The following GSK3B variants were observed in gnomAD, a reference collection of about 807,000 sequenced individuals.
GSK3B encodes the protein glycogen synthase kinase 3 beta, also known as glycogen synthase kinase-3 beta.
In GSK3B, 15 loss-of-function variants were observed where a neutral mutation model predicts 56.4. That is an observed-to-expected ratio of 0.27 (90% CI 0.18 to 0.41). The LOEUF is 0.41. GSK3B is among the 10% of genes least tolerant of loss of function. The probability of loss-of-function intolerance (pLI) is 1.00; values close to 1 mark genes in which losing one functional copy is unlikely to be tolerated. For synonymous variants in GSK3B, 181 were observed against 188.9 expected (o/e 0.96, Z 0.34); for missense variants, 300 against 513.4 (o/e 0.58, Z 4.02).
intron 2 of GSK3B, among the ~76,000 whole-genome samples, chr3:119,953,600 T>C (rs1287322991): frequency 6.6e-6 from 1 of 152,216 alleles, no homozygotes; most frequent in East Asian, 1.9e-4. Context: ...CTTTATAATC[T>C]GGCCTCTCCT....
In GSK3B at chr3:120,093,478, TCTTC is replaced by T; in HGVS notation, c.-48_-45del. The T allele has an allele frequency of 7.7e-7, 1 of 1,293,690 alleles. No individual in the cohort carries two copies. The highest frequency in any genetic ancestry group is 1.1e-6 in the Non-Finnish European group (1 of 888,868). The allele number at this position is 1,293,690 out of a possible 1,614,324, so 80.1% of individuals were successfully genotyped here. On this transcript the variant is annotated 5_prime_UTR_variant, in exon 1 of 11. Coordinates refer to ENST00000264235, the MANE Select transcript of GSK3B (RefSeq NM_001146156.2). ...TCACCTTTTCCTTCCTTCCTCCTTTTCTTCCTTTTGTCTTTATGTTGGGGTGTTA... is the reference window on the plus strand; with the variant it reads ...TCACCTTTTCCTTCCTTCCTCCTTTTCTTTTGTCTTTATGTTGGGGTGTTA...
intron 1 of GSK3B, among the ~76,000 whole-genome samples, chr3:120,019,629 T>C (rs887228188): frequency 1.3e-5 from 2 of 152,200 alleles, no homozygotes; most frequent in East Asian, 1.9e-4. Context: ...ATCTTAACCA[T>C]AGCCGGTAAG....
chr3:119,836,222 A>T (rs1356349602), intron 10 of GSK3B, among the ~76,000 whole-genome samples: 1 of 152,176 alleles, frequency 6.6e-6, no homozygotes, highest in Non-Finnish European at 1.5e-5. Context: ...AGAAAAGCAT[A>T]AACAAAATTT....
chr3:120,093,230 T>C (rs959317752), intron 1 of GSK3B, 117 bp downstream of exon 1: 21 of 679,704 alleles, frequency 3.1e-5, no homozygotes, highest in African/African-American at 3.0e-4. Flanking sequence ...AGATAGGTTT[T>C]GCCCTTTTCC....
intron 1 of GSK3B, among the ~76,000 whole-genome samples, chr3:120,039,850 T>C (rs369484982): frequency 6.6e-6 from 1 of 152,178 alleles, no homozygotes; most frequent in Admixed American, 6.5e-5. Flanking sequence ...CTGAGAAAAC[T>C]TTTGGCACTG....
intron 3 of GSK3B, among the ~76,000 whole-genome samples, chr3:119,935,169 T>C (rs1340165814): frequency 1.3e-5 from 2 of 152,146 alleles, no homozygotes; most frequent in African/African-American, 4.8e-5. Flanking sequence ...AATGTTAGCA[T>C]TTCATCAGTC....
intron 2 of GSK3B, among the ~76,000 whole-genome samples, chr3:119,959,963 G>A (rs1045288626): frequency 9.2e-5 from 14 of 151,790 alleles, no homozygotes; most frequent in South Asian, 4.2e-4. Flanking sequence ...AGAAATTTAC[G>A]TTCACATTAA....
Position 120,050,696 on chromosome 3 carries a change from G to C in GSK3B, c.88+42651C>G, listed in dbSNP as rs571171937. ...TTTAGGGGAGGAGAGAAGGTCAGGA[G>C]AGAAAATGAGTTCAGTTTTAACATG... On this transcript the variant is annotated intron_variant, in intron 1 of 10. Coordinates refer to ENST00000264235, the MANE Select transcript of GSK3B (RefSeq NM_001146156.2). Among the ~76,000 whole-genome samples, 3 of 152,274 alleles carry C rather than the reference G, an allele frequency of 2.0e-5. No homozygotes were observed. The East Asian group carries it at 5.8e-4, about 29-fold the overall frequency.
At chr3:119,933,120 C>A (rs1390296939) in intron 3 of GSK3B, among the ~76,000 whole-genome samples, 1 of 152,056 alleles carries the variant, frequency 6.6e-6, no homozygotes, top group Non-Finnish European at 1.5e-5. Flanking sequence ...TGGAAATACG[C>A]ATTAACAGAT....
intron 3 of GSK3B, among the ~76,000 whole-genome samples, chr3:119,930,679 G>C (rs1015154231): frequency 1.3e-5 from 2 of 152,136 alleles, no homozygotes; most frequent in African/African-American, 4.8e-5. Flanking sequence ...GATCAAACTT[G>C]ACAGTAATAC....
At chr3:119,949,120 C>T (rs1333320730) in intron 2 of GSK3B, among the ~76,000 whole-genome samples, 1 of 152,156 alleles carries the variant, frequency 6.6e-6, no homozygotes, top group Non-Finnish European at 1.5e-5. Context: ...ACATAGCCAA[C>T]TATGTTAAAA....
intron 1 of GSK3B, among the ~76,000 whole-genome samples, chr3:120,055,882 A>C (rs1228277606): frequency 6.6e-6 from 1 of 152,244 alleles, no homozygotes; most frequent in Non-Finnish European, 1.5e-5. Flanking sequence ...AAAACACAAA[A>C]GGAAAATATA....
chr3:119,851,215 A>T (rs1229537654), intron 9 of GSK3B, among the ~76,000 whole-genome samples: 1 of 152,250 alleles, frequency 6.6e-6, no homozygotes, highest in Non-Finnish European at 1.5e-5. Context: ...AAAAGTTAAC[A>T]AAATCCATTT....
In GSK3B at chr3:120,043,425, T is replaced by A. The variant is rs141205490; in HGVS notation, c.89-41186A>T. On this transcript the variant is annotated intron_variant, in intron 1 of 10. Coordinates refer to ENST00000264235, the MANE Select transcript of GSK3B (RefSeq NM_001146156.2). ...ACTAGGTCAGATTCACCCCAAATCA[T>A]TACCTTTGATGCTTGTCTTGTTACA... 3.8e-3 allele frequency among the ~76,000 whole-genome samples: 582 copies of A among 152,340 alleles called. 2 individuals carry two copies. The highest frequency in any genetic ancestry group is 6.7e-3 in the Non-Finnish European group (455 of 68,034).
At chr3:119,932,950 T>C (rs565303376) in intron 3 of GSK3B, among the ~76,000 whole-genome samples, 1 of 152,102 alleles carries the variant, frequency 6.6e-6, no homozygotes, top group South Asian at 2.1e-4. Context: ...ATACAAAAAT[T>C]AGCTGGATTT....
chr3:120,065,927 A>G (rs9840111), intron 1 of GSK3B, among the ~76,000 whole-genome samples: 2,752 of 152,260 alleles, frequency 0.018, 91 homozygotes, highest in African/African-American at 0.063. Context: ...TGGAAAGCAA[A>G]TTAATGCCAG....
At chr3:119,842,683 C>A (rs2055793153) in intron 10 of GSK3B, among the ~76,000 whole-genome samples, 2 of 151,962 alleles carry the variant, frequency 1.3e-5, no homozygotes, top group Admixed American at 1.3e-4. Context: ...ATCTTGAACT[C>A]CTGGCCTCGA....
intron 1 of GSK3B, among the ~76,000 whole-genome samples, chr3:120,022,474 T>C (rs2107511245): frequency 6.6e-6 from 1 of 152,326 alleles, no homozygotes; most frequent in African/African-American, 2.4e-5. Flanking sequence ...TTACAGTTAC[T>C]TATAATCAAA....
chr3:119,941,714 G>A (rs557229095), intron 3 of GSK3B, among the ~76,000 whole-genome samples: 123 of 152,270 alleles, frequency 8.1e-4, no homozygotes, highest in Non-Finnish European at 1.4e-3. Flanking sequence ...TGTTTATTAA[G>A]TGTTAATTTA....
Sources: allele counts gnomAD v4.1 joint callset (sites outside exome capture counted in the v4.1 genomes callset), GRCh38; gene constraint gnomAD v4.1.1; transcripts MANE v1.5; gene names NCBI Gene and HGNC (gene_info 2026-07-23, HGNC 2026-07-21).